Variants in DEFB110 observed in about 807,000 individuals in gnomAD.
The protein encoded by DEFB110 is beta-defensin 110.
A neutral mutation model predicts 2.5 loss-of-function variants in DEFB110; 4 were observed. The observed-to-expected ratio is 1.60, with a 90% CI of 0.79 to 3.66. The LOEUF is 3.66. Ranked by LOEUF, DEFB110 falls within the 30% of genes most tolerant of loss-of-function variation. The pLI is 0.01. For missense variants in DEFB110, 94 were observed against 75.4 expected (o/e 1.25, Z -0.91); for synonymous variants, 29 against 21.8 (o/e 1.33, Z -0.92).
chr6:50,011,725 C>G (rs891149019), intron 1 of DEFB110, among the ~76,000 whole-genome samples: 2 of 151,954 alleles, frequency 1.3e-5, no homozygotes, highest in African/African-American at 2.4e-5. Context: ...ACTGCTTCAC[C>G]TACCTCATGA....
At chr6:50,021,122 C>A (rs557569387) in intron 1 of DEFB110, among the ~76,000 whole-genome samples, 1 of 152,254 alleles carries the variant, frequency 6.6e-6, no homozygotes, top group East Asian at 1.9e-4. Context: ...TCTCCTCATT[C>A]AAATAGTATC....
At chr6:50,020,731 T>C (rs985439370) in intron 1 of DEFB110, among the ~76,000 whole-genome samples, 5 of 152,182 alleles carry the variant, frequency 3.3e-5, no homozygotes, top group African/African-American at 1.2e-4. Flanking sequence ...TTCTTCTCAA[T>C]GTAACCAAAG....
At chr6:50,013,131 T>G (rs1774253456) in intron 1 of DEFB110, among the ~76,000 whole-genome samples, 1 of 151,846 alleles carries the variant, frequency 6.6e-6, no homozygotes, top group South Asian at 2.1e-4. Flanking sequence ...CTCTTCCCAT[T>G]TCATACATAA....
chr6:50,021,578 C>T (rs1156282068), intron 1 of DEFB110, among the ~76,000 whole-genome samples: 2 of 152,100 alleles, frequency 1.3e-5, no homozygotes, highest in Non-Finnish European at 2.9e-5. Flanking sequence ...TTGGTGGAAG[C>T]CAGCTTCCAC....
At chr6:50,020,111 T>A (rs1340728595) in intron 1 of DEFB110, among the ~76,000 whole-genome samples, 1 of 152,072 alleles carries the variant, frequency 6.6e-6, no homozygotes, top group East Asian at 1.9e-4. Flanking sequence ...CAAGAAGACA[T>A]GTCCAGGAGA....
At chr6:50,014,938 A>T (rs964825230), downstream of DEFB110, among the ~76,000 whole-genome samples, 2 of 151,612 alleles carry the variant, frequency 1.3e-5, no homozygotes, top group Admixed American at 6.6e-5. Context: ...TACTGTCTCC[A>T]CTCTCATTTT....
chr6:50,020,158 C>T (rs1446220508), intron 1 of DEFB110, among the ~76,000 whole-genome samples: 1 of 151,758 alleles, frequency 6.6e-6, no homozygotes, highest in Admixed American at 6.6e-5. Context: ...TTATAAGAAA[C>T]ACAAAATTTG....
downstream of DEFB110, among the ~76,000 whole-genome samples, chr6:50,014,259 A>G (rs1774279342): frequency 6.6e-6 from 1 of 151,882 alleles, no homozygotes; most frequent in African/African-American, 2.4e-5. Flanking sequence ...CATGAGCAAG[A>G]AGAGTTTCAG....
downstream of DEFB110, chr6:50,018,781 A>G: frequency 1.6e-6 from 2 of 1,260,912 alleles, no homozygotes; most frequent in Non-Finnish European, 2.0e-6. Flanking sequence ...TCTGGTACCA[A>G]CAAATCAGGA....
chr6:50,017,497 G>A (rs902908153), downstream of DEFB110, among the ~76,000 whole-genome samples: 28 of 151,816 alleles, frequency 1.8e-4, no homozygotes, highest in African/African-American at 5.8e-4. Flanking sequence ...TGTGCTATTC[G>A]CATCTAGTGG....
chr6:50,019,689 A>T (rs1774385407), intron 1 of DEFB110, among the ~76,000 whole-genome samples: 1 of 152,098 alleles, frequency 6.6e-6, no homozygotes, highest in Non-Finnish European at 1.5e-5. Flanking sequence ...AAGAAAAAAA[A>T]AGTGGAGCCA....
chr6:50,016,203 C>T (rs1051897843), downstream of DEFB110, among the ~76,000 whole-genome samples: 4 of 151,756 alleles, frequency 2.6e-5, no homozygotes, highest in Admixed American at 6.6e-5. Context: ...TTCTTTCTTC[C>T]TAGTTCACGT....
At chr6:50,019,251 T>C in intron 1 of DEFB110, 126 bp from the exon 2 acceptor site, 1 of 970,436 alleles carries the variant, frequency 1.0e-6, no homozygotes, top group African/African-American at 1.7e-5. Context: ...GGAGGAAAGT[T>C]TAAGTGAATT....
intron 1 of DEFB110, among the ~76,000 whole-genome samples, chr6:50,013,658 A>T (rs1039431788): frequency 9.9e-5 from 15 of 151,834 alleles, no homozygotes; most frequent in Non-Finnish European, 1.8e-4. Flanking sequence ...AGTTAATGAA[A>T]CTTGAAAATA....
downstream of DEFB110, among the ~76,000 whole-genome samples, chr6:50,017,254 TA>T (rs1011655618): frequency 4.6e-5 from 7 of 152,008 alleles, no homozygotes; most frequent in African/African-American, 1.7e-4. Flanking sequence ...ATGTAATATA[TA>T]AAAAATTTAA....
rs148807171 is a variant in DEFB110 at position 50,018,999 on chromosome 6, G to A, written c.182C>T (p.Thr61Ile). ...IRIAYCIRPG[T>I]HCCLQQ is the part of the protein sequence containing the mutation. ...TCGTTACTGCTGCAAGCAGCAATGA[G>A]TTCCAGGTCTTATGCAGTAAGCAAT... The change falls in exon 2 of 2, where the codon ACT becomes ATT. Residue 61 changes from threonine to isoleucine, a missense_variant. By Grantham distance (89) the Thr-to-Ile change is moderately conservative. Transcript: ENST00000371148. 1 of 1,612,464 alleles carries A rather than the reference G, an allele frequency of 6.2e-7. No homozygotes were observed. The highest frequency in any genetic ancestry group is 8.5e-7 in the Non-Finnish European group (1 of 1,179,148).
downstream of DEFB110, chr6:50,018,739 T>G (rs1474309859): frequency 9.2e-7 from 1 of 1,082,420 alleles, no homozygotes; most frequent in East Asian, 4.0e-5. Flanking sequence ...ACTGAAAACT[T>G]GAGGAACTTG....
chr6:50,020,151 T>A (rs926293363), intron 1 of DEFB110, among the ~76,000 whole-genome samples: 1 of 151,900 alleles, frequency 6.6e-6, no homozygotes, highest in Non-Finnish European at 1.5e-5. Flanking sequence ...TTGCACATTA[T>A]AAGAAACACA....
At chr6:50,009,836 G>C (rs1251013448) in intron 1 of DEFB110, among the ~76,000 whole-genome samples, 1 of 152,012 alleles carries the variant, frequency 6.6e-6, no homozygotes, top group Non-Finnish European at 1.5e-5. Context: ...TGCCTATCTA[G>C]CAAAAAGTGG....
Sources: allele counts gnomAD v4.1 joint callset (sites outside exome capture counted in the v4.1 genomes callset), GRCh38; gene constraint gnomAD v4.1.1; transcripts MANE v1.5; gene names NCBI Gene and HGNC (gene_info 2026-07-23, HGNC 2026-07-21).